The following LRRC4C variants were observed in gnomAD, a reference collection of about 807,000 sequenced individuals.
LRRC4C encodes the protein leucine-rich repeat-containing protein 4C.
In LRRC4C, 5 loss-of-function variants were observed where a neutral mutation model predicts 33.6. The ratio of observed to expected loss-of-function variants is 0.15; its 90% CI spans 0.08 to 0.31. The LOEUF (loss-of-function observed/expected upper bound fraction) is 0.31, where lower values mean the gene tolerates loss of function less well. Among genes scored for constraint, LRRC4C ranks in the 10% least tolerant of loss-of-function variants. The pLI is 1.00. For missense variants in LRRC4C, 560 were observed against 796.7 expected (o/e 0.70, Z 3.58); for synonymous variants, 329 against 302.0 (o/e 1.09, Z -0.93).
intron 2 of LRRC4C, among the ~76,000 whole-genome samples, chr11:40,656,467 G>T (rs1367168255): frequency 7.6e-6 from 1 of 131,518 alleles, no homozygotes; most frequent in Non-Finnish European, 1.7e-5. Context: ...TACAGAAGTG[G>T]GTCACTTTTT....
At chr11:40,600,438 T>C (rs1473653576) in intron 3 of LRRC4C, among the ~76,000 whole-genome samples, 7 of 152,196 alleles carry the variant, frequency 4.6e-5, no homozygotes, top group Non-Finnish European at 1.0e-4. Context: ...CACTCAAAAC[T>C]ACTCAATTAC....
intron 1 of LRRC4C, among the ~76,000 whole-genome samples, chr11:41,143,554 G>T (rs764042287): frequency 6.6e-6 from 1 of 152,032 alleles, no homozygotes; most frequent in Non-Finnish European, 1.5e-5. Context: ...TGAAGATGAG[G>T]GACAGGTCCA....
chr11:40,481,318 T>C (rs960453674), intron 3 of LRRC4C, among the ~76,000 whole-genome samples: 2 of 152,270 alleles, frequency 1.3e-5, no homozygotes, highest in African/African-American at 4.8e-5. Flanking sequence ...GTTTACAATA[T>C]AGTCATCTTT....
intron 2 of LRRC4C, among the ~76,000 whole-genome samples, chr11:40,901,529 G>A (rs1423942648): frequency 6.6e-6 from 1 of 151,986 alleles, no homozygotes; most frequent in Non-Finnish European, 1.5e-5. Context: ...TTTTCAAAAG[G>A]TTTAGAGTTG....
At chr11:40,871,875 G>A (rs1954667392) in intron 2 of LRRC4C, among the ~76,000 whole-genome samples, 1 of 152,110 alleles carries the variant, frequency 6.6e-6, no homozygotes. Context: ...CCATGGATCT[G>A]TAAATAAAAA....
chr11:40,535,050 G>T (rs1956416063), intron 3 of LRRC4C, among the ~76,000 whole-genome samples: 1 of 152,052 alleles, frequency 6.6e-6, no homozygotes, highest in African/African-American at 2.4e-5. Context: ...AGGACAAATG[G>T]TAGAGGAAAA....
rs115032868 is a variant in LRRC4C, at chr11:40,287,059, A to G, written c.-176+32569T>C. On this transcript the variant is annotated intron_variant, in intron 4 of 6. Transcript: ENST00000528697. ...TAGTCAATTATGAACTCAGGATCCT[A>G]AAATCTTAGTGCTTGAAGTAACCTT... Among the ~76,000 whole-genome samples, 623 of 152,278 alleles carry G rather than the reference A, an allele frequency of 4.1e-3. 4 individuals carry two copies. The highest frequency in any genetic ancestry group is 0.014 in the African/African-American group (592 of 41,562).
intron 1 of LRRC4C, among the ~76,000 whole-genome samples, chr11:41,082,782 T>C (rs536381559): frequency 1.7e-4 from 26 of 152,198 alleles, no homozygotes; most frequent in Non-Finnish European, 2.9e-4. Flanking sequence ...TGATTTCTTC[T>C]TGTTTTTTCT....
chr11:40,764,941 A>C (rs1949382134), intron 2 of LRRC4C, among the ~76,000 whole-genome samples: 1 of 152,156 alleles, frequency 6.6e-6, no homozygotes, highest in Admixed American at 6.5e-5. Flanking sequence ...ACAACACTCA[A>C]TTCCATTTGA....
chr11:40,277,433 G>A (rs891155626), intron 4 of LRRC4C, among the ~76,000 whole-genome samples: 1 of 152,130 alleles, frequency 6.6e-6, no homozygotes, highest in Admixed American at 6.5e-5. Context: ...ACAGGTTGTC[G>A]AACTGAGAAC....
At chr11:40,346,527 C>A (rs1412952981) in intron 3 of LRRC4C, among the ~76,000 whole-genome samples, 1 of 152,084 alleles carries the variant, frequency 6.6e-6, no homozygotes, top group Admixed American at 6.5e-5. Context: ...CAGAGGGGAA[C>A]AACAGACACC....
intron 5 of LRRC4C, among the ~76,000 whole-genome samples, chr11:40,177,915 G>T (rs1441426221): frequency 6.6e-6 from 1 of 152,072 alleles, no homozygotes; most frequent in Non-Finnish European, 1.5e-5. Context: ...ATAGATGATT[G>T]CTAAATTGCA....
intron 1 of LRRC4C, among the ~76,000 whole-genome samples, chr11:41,013,994 G>A (rs768798400): frequency 2.5e-4 from 38 of 152,088 alleles, no homozygotes; most frequent in Admixed American, 2.5e-3. Context: ...CCATGACCGC[G>A]TCGCCTTTCA....
intron 1 of LRRC4C, among the ~76,000 whole-genome samples, chr11:41,395,089 C>A (rs1028048780): frequency 6.6e-6 from 1 of 151,824 alleles, no homozygotes; most frequent in Non-Finnish European, 1.5e-5. Context: ...GAGACACAAT[C>A]CTGGTTTAAA....
intron 1 of LRRC4C, among the ~76,000 whole-genome samples, chr11:41,147,326 A>C (rs908675512): frequency 2.6e-5 from 4 of 152,182 alleles, no homozygotes; most frequent in African/African-American, 9.7e-5. Flanking sequence ...CCTGTTCATC[A>C]ATGCCAGTGC....
rs1182477803 is a variant in LRRC4C at position 40,765,475 on chromosome 11, G to C, written c.-406-117197C>G. 2.0e-5 allele frequency among the ~76,000 whole-genome samples: 3 copies of C among 152,044 alleles called. No homozygotes were observed. In the East Asian group the frequency reaches 5.8e-4, roughly 29 times the overall value. ...TATGCAGTTCAAATATTTCTTTATA[G>C]CAGTGTGAGAATGAATTGATACATG... On this transcript the variant is annotated intron_variant, in intron 2 of 6. Transcript: ENST00000528697.
chr11:40,943,983 CT>C lies in LRRC4C; in HGVS notation c.-495-10261del, dbSNP rs538778983. 1.1e-3 allele frequency among the ~76,000 whole-genome samples: 171 copies of C among 152,258 alleles called. 1 individual carries two copies. Among genetic ancestry groups the C allele is most frequent in the South Asian group, 8.3e-3 (40 of 4,824 alleles). ...AGTCAAAATGCTTAACTTCACCAAGCTTTAGTTTCCTTAATTGGAATAGGAT... is the reference window on the plus strand; with the variant it reads ...AGTCAAAATGCTTAACTTCACCAAGCTTAGTTTCCTTAATTGGAATAGGAT... On this transcript the variant is annotated intron_variant, in intron 1 of 6. Coordinates refer to ENST00000528697, the MANE Select transcript of LRRC4C (RefSeq NM_001258419.2).
intron 2 of LRRC4C, among the ~76,000 whole-genome samples, chr11:40,698,484 C>T (rs61886842): frequency 0.024 from 3,705 of 151,432 alleles, 84 homozygotes; most frequent in Admixed American, 0.05. Flanking sequence ...CTTGTTAAAT[C>T]CTAATCAGTC....
intron 1 of LRRC4C, among the ~76,000 whole-genome samples, chr11:41,353,944 C>A (rs1394183972): frequency 1.3e-5 from 2 of 152,098 alleles, no homozygotes; most frequent in African/African-American, 4.8e-5. Flanking sequence ...AACCTGGAAG[C>A]ATTCCCCTTG....
Sources: allele counts gnomAD v4.1 joint callset (sites outside exome capture counted in the v4.1 genomes callset), GRCh38; gene constraint gnomAD v4.1.1; transcripts MANE v1.5; gene names NCBI Gene and HGNC (gene_info 2026-07-23, HGNC 2026-07-21).